PROK1: variants seen among roughly 807,000 people sequenced by gnomAD.
PROK1 encodes the protein prokineticin-1.
PROK1 carries 10 observed loss-of-function variants against 8.8 expected under a neutral mutation model. The ratio of observed to expected loss-of-function variants is 1.13; its 90% CI spans 0.70 to 1.92. PROK1 has a LOEUF of 1.92. Among genes scored for constraint, PROK1 ranks in the 30% most tolerant of loss-of-function variants. The probability of loss-of-function intolerance (pLI) is 0.00; values close to 1 mark genes in which losing one functional copy is unlikely to be tolerated. For missense variants in PROK1, 140 were observed against 139.7 expected, an observed-to-expected ratio of 1.00 and a Z score of -0.01; for synonymous variants, 57 against 56.0, an observed-to-expected ratio of 1.02 and a Z score of -0.08.
intron 1 of PROK1, 66 bp downstream of exon 1, chr1:110,451,354 A>T: frequency 7.0e-7 from 1 of 1,426,818 alleles, no homozygotes; most frequent in South Asian, 1.1e-5. Flanking sequence ...ACGGGTTGTG[A>T]GCCCAGGAAC....
At chr1:110,454,155 TGGGGCCTTGCTCTAGCTA>T (rs1664135392) in intron 2 of PROK1, 69 bp downstream of exon 2, 2 of 1,570,338 alleles carry the variant, frequency 1.3e-6, no homozygotes, top group Non-Finnish European at 1.7e-6. Context: ...GGTGATGTCC[TGGGGCCTTGCTCTAGCTA>T]GGAAGGCTAG....
Position 110,456,017 on chromosome 1 carries a change from C to A in PROK1, c.199-215C>A, listed in dbSNP as rs565012779. Among the ~76,000 whole-genome samples the A allele has an allele frequency of 2.5e-4, 38 of 152,328 alleles. No homozygotes were observed. In the South Asian group the frequency reaches 7.2e-3, roughly 29 times the overall value. ...AGCCTGGGTGCAAATCCTAGCTCCT[C>A]CACAAATTAGCTGTGTGATCTTGGC... On this transcript the variant is annotated intron_variant, in intron 2 of 2. Transcript: ENST00000271331.
At chr1:110,453,035 C>T (rs71665092) in intron 1 of PROK1, among the ~76,000 whole-genome samples, 39,981 of 152,106 alleles carry the variant, frequency 0.26, 5,924 homozygotes, top group Non-Finnish European at 0.34. Flanking sequence ...CTCTTTCCCT[C>T]TTGGGTCTGA....
chr1:110,453,367 G>C (rs77775081), intron 1 of PROK1, among the ~76,000 whole-genome samples: 1,799 of 152,290 alleles, frequency 0.012, 22 homozygotes, highest in Non-Finnish European at 0.018. Flanking sequence ...CCTGTTCTGC[G>C]ATCCTCTCTG....
At chr1:110,453,502 C>G (rs1234815136) in intron 1 of PROK1, among the ~76,000 whole-genome samples, 1 of 152,172 alleles carries the variant, frequency 6.6e-6, no homozygotes, top group Non-Finnish European at 1.5e-5. Context: ...AGGGGAGGGA[C>G]TGACCACAGT....
chr1:110,451,984 G>T (rs1028427069), intron 1 of PROK1, among the ~76,000 whole-genome samples: 7 of 152,204 alleles, frequency 4.6e-5, no homozygotes, highest in African/African-American at 1.7e-4. Context: ...TCAGATCATG[G>T]TTTTCTCTCG....
chr1:110,451,330 A>C, intron 1 of PROK1, 42 bp downstream of exon 1: 1 of 1,576,914 alleles, frequency 6.3e-7, no homozygotes, highest in Non-Finnish European at 8.7e-7. Context: ...TTTTGGGAAG[A>C]TGTCAGGGTC....
intron 2 of PROK1, among the ~76,000 whole-genome samples, chr1:110,455,032 C>G (rs1047148373): frequency 1.3e-5 from 2 of 152,188 alleles, no homozygotes; most frequent in Non-Finnish European, 2.9e-5. Context: ...CCACAGCATC[C>G]CTGCTGCTCT....
In PROK1 at chr1:110,451,203, C is replaced by T. The variant is rs1474056456; in HGVS notation, c.-14C>T. On this transcript the variant is annotated 5_prime_UTR_variant, in exon 1 of 3. Coordinates refer to ENST00000271331, the MANE Select transcript of PROK1 (RefSeq NM_032414.3). ...ATCTAAGCAGGCAGTGTTTTGCCTT[C>T]ACCCCAAGTGACCATGAGAGGTGCC... 2 of 1,613,904 alleles carry T rather than the reference C, an allele frequency of 1.2e-6. No homozygotes were observed. The highest frequency in any genetic ancestry group is 1.1e-5 in the South Asian group (1 of 91,080).
In PROK1 at chr1:110,451,170, C is replaced by A. The variant is rs368380049; in HGVS notation, c.-47C>A. ...AGGCACAAGGCTGAGCGGGAGGAAG[C>A]GAGAGGCATCTAAGCAGGCAGTGTT... On this transcript the variant is annotated 5_prime_UTR_variant, in exon 1 of 3. Transcript: ENST00000271331. The A allele has an allele frequency of 6.3e-7, 1 of 1,579,286 alleles. No individual in the cohort carries two copies. The highest frequency in any genetic ancestry group is 1.3e-5 in the African/African-American group (1 of 74,194).
intron 1 of PROK1, 137 bp downstream of exon 1, chr1:110,451,425 T>C (rs1664088224): frequency 1.3e-6 from 1 of 764,192 alleles, no homozygotes; most frequent in Non-Finnish European, 2.3e-6. Flanking sequence ...GAATTATGCA[T>C]TAAAGGGATT....
Position 110,456,368 on chromosome 1 carries a change from A to G in PROK1, c.*17A>G. Reference sequence around the variant, plus strand: ...AATTTTTAGGCGCTTGCCTGGTCTCAGGATACCCACCATCCTTTTCCTGAG... The same window carrying G: ...AATTTTTAGGCGCTTGCCTGGTCTCGGGATACCCACCATCCTTTTCCTGAG... On this transcript the variant is annotated 3_prime_UTR_variant, in exon 3 of 3. Coordinates refer to ENST00000271331, the MANE Select transcript of PROK1 (RefSeq NM_032414.3). 1.2e-6 allele frequency: 2 copies of G among 1,613,536 alleles called. No homozygotes were observed. Among genetic ancestry groups the G allele is most frequent in the South Asian group, 2.2e-5 (2 of 91,086 alleles).
chr1:110,454,584 C>T (rs536701971), intron 2 of PROK1, among the ~76,000 whole-genome samples: 10 of 152,302 alleles, frequency 6.6e-5, no homozygotes, highest in Admixed American at 5.2e-4. Context: ...TCTAGTCATA[C>T]CTCACTGATG....
chr1:110,453,965 G>A lies in PROK1; in HGVS notation c.77G>A (p.Cys26Tyr). 6.2e-7 allele frequency: 1 copy of A among 1,614,226 alleles called. No individual in the cohort carries two copies. Among genetic ancestry groups the A allele is most frequent in the Non-Finnish European group, 8.5e-7 (1 of 1,180,030 alleles). ...VSDCAVITGA[C>Y]ERDVQCGAGT... is the part of the protein sequence containing the mutation. ...CCTTCTCTCTCCCTCCTACAGGCCT[G>A]TGAGCGGGATGTCCAGTGTGGGGCA... The change falls in exon 2 of 3, where the codon TGT (cysteine) becomes TAT (tyrosine). Residue 26 changes from cysteine (C) to tyrosine (Y), a missense_variant. By Grantham distance (194) the Cys-to-Tyr change is radical. Transcript: ENST00000271331.
At position 110,453,929 on chromosome 1, in the gene PROK1, A is replaced by G. The variant is rs762618568; in HGVS notation, c.73-32A>G. ...CTTCTGCTTTCTCTTGGGTGCACTA[A>G]TGAACTGTTCCCTTCTCTCTCCCTC... On this transcript the variant is annotated intron_variant, in intron 1 of 2. Transcript: ENST00000271331. 41 of 1,613,822 alleles carry G rather than the reference A, an allele frequency of 2.5e-5. 1 individual carries two copies. The South Asian group carries it at 4.4e-4, about 17-fold the overall frequency.
intron 1 of PROK1, 87 bp from the exon 2 acceptor site, chr1:110,453,874 C>A (rs1664128244): frequency 6.3e-7 from 1 of 1,576,072 alleles, no homozygotes; most frequent in Non-Finnish European, 8.7e-7. Flanking sequence ...TTGCTCCATC[C>A]TGATAAGGGC....
Position 110,456,467 on chromosome 1 carries a change from G to T in PROK1, c.*116G>T. The T allele has an allele frequency of 1.5e-6, 2 of 1,297,492 alleles. No homozygotes were observed. Among genetic ancestry groups the T allele is most frequent in the Non-Finnish European group, 2.2e-6 (2 of 910,452 alleles). The allele number at this position is 1,297,492 out of a possible 1,614,324, so 80.4% of individuals were successfully genotyped here. A position where few individuals can be genotyped will look rare whatever the true frequency, so the allele number is the denominator to read the frequency against. ...TCCCAGTCCCTACACTGACTACCCT[G>T]ATCTCTCTTGTCTAGTACGCACATA... On this transcript the variant is annotated 3_prime_UTR_variant, in exon 3 of 3. Transcript: ENST00000271331.
intron 1 of PROK1, 118 bp from the exon 2 acceptor site, chr1:110,453,843 G>A (rs1664127645): frequency 2.9e-6 from 4 of 1,367,086 alleles, no homozygotes; most frequent in Non-Finnish European, 4.2e-6. Flanking sequence ...TAAGGCCGGG[G>A]GTGATACTCT....
intron 2 of PROK1, 39 bp downstream of exon 2, chr1:110,454,125 G>T: frequency 6.2e-7 from 1 of 1,604,622 alleles, no homozygotes. Flanking sequence ...ATATGTGGGT[G>T]GGCCATGCGG....
Sources: gnomAD v4.1 joint callset for allele counts (sites outside exome capture counted in the v4.1 genomes callset) on GRCh38, gnomAD v4.1.1 for gene constraint, MANE v1.5 for transcripts, NCBI Gene and HGNC (gene_info 2026-07-23, HGNC 2026-07-21) for gene names.